Variants in LAMA4 observed in about 807,000 individuals in gnomAD.
LAMA4 encodes laminin subunit alpha 4, also known as laminin subunit alpha-4.
Under a neutral mutation model 207.1 loss-of-function variants are expected in LAMA4, and 127 were observed. The ratio of observed to expected loss-of-function variants is 0.61; its 90% CI spans 0.53 to 0.71. The LOEUF is 0.71. LAMA4 is among the 30% of genes least tolerant of loss of function. LAMA4 has a pLI of 0.00. For missense variants in LAMA4, 2,093 were observed against 2,246.5 expected (o/e 0.93, Z 1.38); for synonymous variants, 761 against 816.0 (o/e 0.93, Z 1.15).
chr6:112,253,815 T>C, intron 2 of LAMA4, 141 bp downstream of exon 2: 1 of 1,614,224 alleles, frequency 6.2e-7, no homozygotes. Flanking sequence ...TTATTTCAAG[T>C]TTCCGAACTG....
intron 2 of LAMA4, chr6:112,218,582 C>T (rs1197910535): frequency 6.6e-6 from 1 of 152,222 alleles, no homozygotes; most frequent in Admixed American, 6.5e-5. Context: ...TTCATCTCAA[C>T]TCTTTGTCAA....
intron 13 of LAMA4, chr6:112,159,126 A>G: frequency 2.1e-6 from 1 of 478,990 alleles, no homozygotes; most frequent in South Asian, 2.3e-5. Flanking sequence ...TTTCAGACCT[A>G]AAAACTAAAA....
intron 5 of LAMA4, among the ~76,000 whole-genome samples, chr6:112,193,865 T>C (rs1394770689): frequency 2.0e-5 from 3 of 152,176 alleles, no homozygotes; most frequent in African/African-American, 7.2e-5. Context: ...ACAATTCATG[T>C]CCATTTTATG....
rs1779740094 is a variant in LAMA4 at position 112,142,222 on chromosome 6, A to G, written c.2564T>C (p.Leu855Ser). The change falls in exon 20 of 39, where the codon TTA becomes TCA. Residue 855 changes from leucine (L) to serine (S), a missense_variant. This residue lies in a region of LAMA4 where 1,704 missense variants were observed against 1,788.4 expected (regional missense o/e 0.95). Coordinates refer to ENST00000230538, the MANE Select transcript of LAMA4 (RefSeq NM_001105206.3). ...CAGGCTCAGAGACGTGAAGGCCTTT[A>G]AGTCATCCATACTGGTTCTCGAGTG... is the stretch of plus-strand genomic sequence containing the variant. ...EVHSRTSMDD[L>S]KAFTSLSLYM... 6.2e-7 allele frequency: 1 copy of G among 1,613,942 alleles called. No homozygotes were observed. The highest frequency in any genetic ancestry group is 1.3e-5 in the African/African-American group (1 of 74,886).
chr6:112,205,866 T>C (rs782002252), intron 4 of LAMA4, among the ~76,000 whole-genome samples: 2 of 152,112 alleles, frequency 1.3e-5, no homozygotes, highest in Non-Finnish European at 2.9e-5. Flanking sequence ...GCCAATGATT[T>C]GACCAATCAT....
At position 112,178,344 on chromosome 6, in the gene LAMA4, C is replaced by A. The variant is rs1222598213; in HGVS notation, c.1078-112G>T. On this transcript the variant is annotated intron_variant, in intron 9 of 38. Coordinates refer to ENST00000230538, the MANE Select transcript of LAMA4 (RefSeq NM_001105206.3). ...ATTTCCTAAACGTAAATCTTCCTGGCATGTGAAAGTTCTATAACACATGAA... is the reference window on the plus strand; with the variant it reads ...ATTTCCTAAACGTAAATCTTCCTGGAATGTGAAAGTTCTATAACACATGAA... 4 of 768,484 alleles carry A rather than the reference C, an allele frequency of 5.2e-6. No homozygotes were observed. The Admixed American group carries it at 8.1e-5, about 16-fold the overall frequency. 47.6% of individuals were successfully genotyped at this position (768,484 alleles called of 1,614,324 possible).
rs1554324347 is a variant in LAMA4, at chr6:112,117,487, AG to A, written c.4981+251del. On this transcript the variant is annotated intron_variant, in intron 35 of 38. Transcript: ENST00000230538. This position sits in a 1 kb window ranked among gnomAD's most constrained non-coding sequence, Gnocchi z 4.5. ...CCACGGAGCAGCATAGACATTCTAAAGGAGCCCAGGTGGTCTTCATCCAGAA... is the reference window on the plus strand; with the variant it reads ...CCACGGAGCAGCATAGACATTCTAAAGAGCCCAGGTGGTCTTCATCCAGAA... Among the ~76,000 whole-genome samples the A allele has an allele frequency of 6.6e-6, 1 of 152,148 alleles. No individual in the cohort carries two copies. Among genetic ancestry groups the A allele is most frequent in the Non-Finnish European group, 1.5e-5 (1 of 68,034 alleles).
chr6:112,204,088 C>T (rs1342092437), intron 4 of LAMA4, among the ~76,000 whole-genome samples: 1 of 152,076 alleles, frequency 6.6e-6, no homozygotes, highest in Non-Finnish European at 1.5e-5. Flanking sequence ...ACTAACATAC[C>T]GGATACTGTG....
intron 26 of LAMA4, among the ~76,000 whole-genome samples, chr6:112,133,959 T>A (rs1424593721): frequency 2.6e-5 from 4 of 152,242 alleles, no homozygotes; most frequent in Non-Finnish European, 5.9e-5. Flanking sequence ...CAGACTTTTA[T>A]TAATCCACGT....
chr6:112,144,691 A>G, intron 19 of LAMA4, 103 bp downstream of exon 19: 1 of 1,330,616 alleles, frequency 7.5e-7, no homozygotes, highest in South Asian at 1.2e-5. Context: ...GAGTTGGAGA[A>G]TACAGCAGAA....
Position 112,160,246 on chromosome 6 carries a change from C to A in LAMA4, c.1669-1366G>T, listed in dbSNP as rs111391353. ...CAGCTTTTTGCAACCAGCCCCCAGC[C>A]CTTCCCCGCAAACTCTATAGATGTA... On this transcript the variant is annotated intron_variant, in intron 13 of 38. Coordinates refer to ENST00000230538, the MANE Select transcript of LAMA4 (RefSeq NM_001105206.3). Among the ~76,000 whole-genome samples, 1,209 of 152,220 alleles carry A rather than the reference C, an allele frequency of 7.9e-3. 11 individuals are homozygous for A. Among genetic ancestry groups the A allele is most frequent in the African/African-American group, 0.028 (1,151 of 41,526 alleles).
At chr6:112,207,844 G>C (rs1389125619) in intron 3 of LAMA4, among the ~76,000 whole-genome samples, 1 of 152,134 alleles carries the variant, frequency 6.6e-6, no homozygotes, top group Non-Finnish European at 1.5e-5. Context: ...TCTCTTGAAA[G>C]TACATCCTAA....
At chr6:112,254,980 T>C (rs186079926), upstream of LAMA4, 2 of 152,372 alleles carry the variant, frequency 1.3e-5, no homozygotes, top group South Asian at 2.1e-4. Context: ...TCAGATTCAC[T>C]GGCCACCCCT....
rs186415371 is a variant in LAMA4 at position 112,212,014 on chromosome 6, G to A, written c.297+4354C>T. On this transcript the variant is annotated intron_variant, in intron 3 of 38. Coordinates refer to ENST00000230538, the MANE Select transcript of LAMA4 (RefSeq NM_001105206.3). ...TGAATTAAGGCAGTGGGAAGGGATA[G>A]AAGAGAGCTCTCTCCTAGTTTGAAT... is the stretch of plus-strand genomic sequence containing the variant. Among the ~76,000 whole-genome samples, 10 of 152,152 alleles carry A rather than the reference G, an allele frequency of 6.6e-5. No homozygotes were observed. The East Asian group carries it at 1.7e-3, about 26-fold the overall frequency.
At chr6:112,166,158 C>A (rs1245101061) in intron 12 of LAMA4, 2 of 152,062 alleles carry the variant, frequency 1.3e-5, no homozygotes, top group Non-Finnish European at 2.9e-5. Flanking sequence ...TACTTTAAAG[C>A]TTTTTAAGTT....
chr6:112,180,755 G>A (rs1216536219), intron 9 of LAMA4, among the ~76,000 whole-genome samples: 1 of 152,094 alleles, frequency 6.6e-6, no homozygotes, highest in African/African-American at 2.4e-5. Context: ...ATGAAAGGGA[G>A]AACTTTTAGT....
At chr6:112,238,548 A>G (rs1786109031) in intron 2 of LAMA4, among the ~76,000 whole-genome samples, 3 of 151,956 alleles carry the variant, frequency 2.0e-5, no homozygotes, top group Non-Finnish European at 4.4e-5. Context: ...TGTCTCTCCT[A>G]AAAATACAAA....
chr6:112,123,751 G>C (rs1778515170), intron 31 of LAMA4, among the ~76,000 whole-genome samples: 1 of 152,286 alleles, frequency 6.6e-6, no homozygotes, highest in East Asian at 1.9e-4. Flanking sequence ...AGGTTGGAGA[G>C]AGGTGGGAGC....
chr6:112,130,871 A>C, intron 29 of LAMA4, 97 bp downstream of exon 29: 1 of 1,339,482 alleles, frequency 7.5e-7, no homozygotes, highest in Non-Finnish European at 1.1e-6. Flanking sequence ...TTAACATTAG[A>C]AAAGTTATAG....
Sources: allele counts gnomAD v4.1 joint callset (sites outside exome capture counted in the v4.1 genomes callset), GRCh38; gene constraint gnomAD v4.1.1; regional missense constraint gnomAD v4.1.1; non-coding constraint Gnocchi (gnomAD v3.1); transcripts MANE v1.5; gene names NCBI Gene and HGNC (gene_info 2026-07-23, HGNC 2026-07-21).